The following HCN1 variants were observed in gnomAD, a reference collection of about 807,000 sequenced individuals.
HCN1 encodes the protein potassium/sodium hyperpolarization-activated cyclic nucleotide-gated channel 1.
Under a neutral mutation model 78.9 loss-of-function variants are expected in HCN1, and 13 were observed. That is an observed-to-expected ratio of 0.16 (90% confidence interval 0.11 to 0.26). The LOEUF (loss-of-function observed/expected upper bound fraction) is 0.26, where lower values mean the gene tolerates loss of function less well. Ranked by LOEUF, HCN1 falls within the 10% of genes least tolerant of loss-of-function variation. The pLI, the probability that HCN1 is intolerant of heterozygous loss-of-function variation, is 1.00. For missense variants in HCN1, 810 were observed against 1,154.3 expected (o/e 0.70, Z 4.32); for synonymous variants, 552 against 455.5 (o/e 1.21, Z -2.70).
At chr5:45,374,019 TTA>T (rs1195628850) in intron 4 of HCN1, among the ~76,000 whole-genome samples, 14 of 105,196 alleles carry the variant, frequency 1.3e-4, no homozygotes, top group South Asian at 2.6e-4. Context: ...ATAATATATA[TTA>T]TATATATTAT....
At chr5:45,504,108 C>A (rs116578360) in intron 2 of HCN1, among the ~76,000 whole-genome samples, 5,391 of 151,878 alleles carry the variant, frequency 0.035, 150 homozygotes, top group African/African-American at 0.067. Flanking sequence ...TATTCTTCTT[C>A]TTATTATTAT....
At chr5:45,569,858 C>A (rs1370187354) in intron 2 of HCN1, among the ~76,000 whole-genome samples, 1 of 152,010 alleles carries the variant, frequency 6.6e-6, no homozygotes, top group Non-Finnish European at 1.5e-5. Context: ...TCATCATCAT[C>A]ATCCTATGAT....
intron 6 of HCN1, among the ~76,000 whole-genome samples, chr5:45,290,806 T>G (rs1745357477): frequency 6.6e-6 from 1 of 151,936 alleles, no homozygotes; most frequent in African/African-American, 2.4e-5. Context: ...CATATATCTT[T>G]TATATAAATG....
intron 2 of HCN1, among the ~76,000 whole-genome samples, chr5:45,582,733 G>T (rs1744107918): frequency 6.6e-6 from 1 of 152,158 alleles, no homozygotes; most frequent in South Asian, 2.1e-4. Flanking sequence ...AGCATGAAGG[G>T]TTGTTGAATT....
rs1018363057 is a variant in HCN1 at position 45,262,131 on chromosome 5, C to T, written c.2463G>A (p.Ala821=). Residue 821 remains alanine (A), a synonymous_variant, in exon 8 of 8, where the codon GCG becomes GCA. Transcript: ENST00000303230. ...CTGCCTGAAGGCCCGTTCCGGGGAC[C>T]GCCGTCACGGGTTGAGGGATGGAGG... The part of the protein sequence containing the change: ...SLASIPQPVT[A]VPGTGLQAGG... The T allele has an allele frequency of 6.2e-7, 1 of 1,613,004 alleles. No homozygotes were observed.
At chr5:45,545,019 G>C (rs187572434) in intron 2 of HCN1, among the ~76,000 whole-genome samples, 1 of 152,056 alleles carries the variant, frequency 6.6e-6, no homozygotes, top group South Asian at 2.1e-4. Flanking sequence ...CTGAGGAATC[G>C]CCACACTGAC....
chr5:45,379,988 T>C (rs1487858714), intron 4 of HCN1, among the ~76,000 whole-genome samples: 1 of 152,004 alleles, frequency 6.6e-6, no homozygotes, highest in African/African-American at 2.4e-5. Context: ...TCAATATATA[T>C]TAAGTAAATA....
At chr5:45,560,157 T>C (rs1186287949) in intron 2 of HCN1, among the ~76,000 whole-genome samples, 1 of 152,156 alleles carries the variant, frequency 6.6e-6, no homozygotes, top group African/African-American at 2.4e-5. Context: ...ACCAAAACTA[T>C]TGGGTCACTT....
At chr5:45,287,420 A>G (rs191006953) in intron 6 of HCN1, among the ~76,000 whole-genome samples, 18 of 152,188 alleles carry the variant, frequency 1.2e-4, no homozygotes, top group African/African-American at 4.3e-4. Context: ...TCTAAAGCAT[A>G]TGAGAAACAT....
At chr5:45,489,828 C>A (rs1741843948) in intron 2 of HCN1, among the ~76,000 whole-genome samples, 1 of 152,146 alleles carries the variant, frequency 6.6e-6, no homozygotes, top group Admixed American at 6.6e-5. Flanking sequence ...TATAGGCTAC[C>A]ATAGTGGGTG....
intron 5 of HCN1, among the ~76,000 whole-genome samples, chr5:45,335,718 T>G (rs972556477): frequency 6.6e-6 from 1 of 152,146 alleles, no homozygotes; most frequent in Non-Finnish European, 1.5e-5. Context: ...AATTCTACTG[T>G]GTACTTACTA....
At chr5:45,582,697 C>G (rs904812540) in intron 2 of HCN1, among the ~76,000 whole-genome samples, 7 of 152,138 alleles carry the variant, frequency 4.6e-5, no homozygotes, top group Non-Finnish European at 1.0e-4. Context: ...TACGTCCCAT[C>G]AATACCTAAT....
intron 2 of HCN1, among the ~76,000 whole-genome samples, chr5:45,596,429 A>G (rs540802043): frequency 1.3e-5 from 2 of 152,374 alleles, no homozygotes; most frequent in African/African-American, 2.4e-5. Flanking sequence ...ACTGAAATCT[A>G]TAATTTATTT....
intron 5 of HCN1, among the ~76,000 whole-genome samples, chr5:45,340,648 G>GTT (rs376304053): frequency 2.0e-5 from 3 of 147,350 alleles, no homozygotes; most frequent in African/African-American, 7.4e-5. Context: ...TGTTGATAGA[G>GTT]TTTTTTTTTT....
chr5:45,375,933 A>G lies in HCN1; in HGVS notation c.1230+20559T>C, dbSNP rs545766919. 6.7e-4 allele frequency among the ~76,000 whole-genome samples: 81 copies of G among 120,724 alleles called. No homozygotes were observed. The East Asian group carries it at 0.017, about 26-fold the overall frequency. 79.2% of individuals were successfully genotyped at this position (120,724 alleles called of 152,430 possible). On this transcript the variant is annotated intron_variant, in intron 4 of 7. Coordinates refer to ENST00000303230, the MANE Select transcript of HCN1 (RefSeq NM_021072.4). Reference sequence around the variant, plus strand: ...TTATCTTATATATTATATATGATATAATATTTTATCACATATATTATATAT... The same window carrying G: ...TTATCTTATATATTATATATGATATGATATTTTATCACATATATTATATAT...
intron 2 of HCN1, among the ~76,000 whole-genome samples, chr5:45,497,936 AG>A (rs1358314706): frequency 1.2e-4 from 19 of 152,204 alleles, no homozygotes; most frequent in African/African-American, 4.3e-4. Context: ...TGGCTTGTAG[AG>A]TTTCTGCCGA....
intron 3 of HCN1, among the ~76,000 whole-genome samples, chr5:45,414,821 T>C (rs955237953): frequency 6.6e-6 from 1 of 152,044 alleles, no homozygotes; most frequent in African/African-American, 2.4e-5. Flanking sequence ...ATCACTTGAT[T>C]TGAGACTATC....
chr5:45,571,492 G>A (rs1339216593), intron 2 of HCN1, among the ~76,000 whole-genome samples: 2 of 152,190 alleles, frequency 1.3e-5, no homozygotes, highest in Non-Finnish European at 2.9e-5. Context: ...AGCTAAGAAT[G>A]GTGGGGATGA....
chr5:45,308,805 C>A (rs1383280536), intron 5 of HCN1, among the ~76,000 whole-genome samples: 1 of 152,178 alleles, frequency 6.6e-6, no homozygotes, highest in Middle Eastern at 3.4e-3. Flanking sequence ...AGCATGATGC[C>A]TCCAGCTTTG....
Sources: gnomAD v4.1 joint callset for allele counts (sites outside exome capture counted in the v4.1 genomes callset) on GRCh38, gnomAD v4.1.1 for gene constraint, MANE v1.5 for transcripts, NCBI Gene and HGNC (gene_info 2026-07-23, HGNC 2026-07-21) for gene names.